KANSL1L: variants seen among roughly 807,000 people sequenced by gnomAD.
KANSL1L encodes the protein KAT8 regulatory NSL complex subunit 1 like.
KANSL1L carries 25 observed loss-of-function variants against 108.6 expected under a neutral mutation model. The ratio of observed to expected loss-of-function variants is 0.23; its 90% CI spans 0.17 to 0.32. The LOEUF is 0.32. Among genes scored for constraint, KANSL1L ranks in the 10% least tolerant of loss-of-function variants. The probability of loss-of-function intolerance (pLI) is 1.00; values close to 1 mark genes in which losing one functional copy is unlikely to be tolerated. For missense variants in KANSL1L, 1,137 were observed against 1,125.7 expected (o/e 1.01, Z -0.14); for synonymous variants, 405 against 395.1 (o/e 1.03, Z -0.30).
intron 1 of KANSL1L, among the ~76,000 whole-genome samples, chr2:210,162,236 A>ATATATT (rs2095365753): frequency 7.0e-6 from 1 of 143,306 alleles, no homozygotes; most frequent in South Asian, 2.2e-4. Context: ...ATATATATAT[A>ATATATT]TATATATGTA....
chr2:210,084,050 T>C (rs2094613493), intron 5 of KANSL1L, among the ~76,000 whole-genome samples: 1 of 151,994 alleles, frequency 6.6e-6, no homozygotes. Context: ...AAAATGGAAG[T>C]CTCTTCAACT....
At chr2:210,033,037 C>A (rs2094041965) in intron 8 of KANSL1L, 1 of 152,142 alleles carries the variant, frequency 6.6e-6, no homozygotes, top group South Asian at 2.1e-4. Context: ...AAATCAGGGT[C>A]TGGAAGAGGA....
chr2:210,153,971 G>A lies in KANSL1L; in HGVS notation c.612C>T (p.His204=). The change falls in exon 2 of 15, where the codon CAC becomes CAT. Residue 204 remains histidine, a synonymous_variant. Transcript: ENST00000281772. ...HCTQKKIVPG[H]SNVPVSSSAA... ...CTGAAGAACTAACAGGCACATTTGA[G>A]TGGCCAGGTACAATTTTCTTTTGAG... 1 of 1,613,618 alleles carries A rather than the reference G, an allele frequency of 6.2e-7. No individual in the cohort carries two copies. Among genetic ancestry groups the A allele is most frequent in the Non-Finnish European group, 8.5e-7 (1 of 1,180,028 alleles).
Position 210,025,182 on chromosome 2 carries a change from C to T in KANSL1L, c.2486G>A (p.Arg829Lys). 1 of 1,610,932 alleles carries T rather than the reference C, an allele frequency of 6.2e-7. No individual in the cohort carries two copies. Among genetic ancestry groups the T allele is most frequent in the East Asian group, 2.2e-5 (1 of 44,864 alleles). Reference protein sequence around the residue: ...EDLSDEVFSLRHKKYEEREQA... With the variant: ...EDLSDEVFSLKHKKYEEREQA... ...CTCTCTCTCTTCATATTTTTTGTGC[C>T]TTAGGGAGAAGACTTCATCAGAAAG... Residue 829 changes from arginine (R) to lysine (K), a missense_variant, in exon 13 of 15, where the codon AGG becomes AAG. Arg to Lys is a conservative substitution (Grantham distance 26). This residue lies in a region of KANSL1L where 575 missense variants were observed against 567.1 expected (regional missense o/e 1.01). Transcript: ENST00000281772.
At chr2:210,153,002 C>A (rs143576496) in intron 2 of KANSL1L, 2,212 of 153,422 alleles carry the variant, frequency 0.014, 25 homozygotes, top group Non-Finnish European at 0.025. Context: ...TGTATATACT[C>A]ACACACAATA....
intron 5 of KANSL1L, among the ~76,000 whole-genome samples, chr2:210,076,070 AT>A (rs2094540011): frequency 1.3e-5 from 2 of 152,256 alleles, no homozygotes; most frequent in African/African-American, 4.8e-5. Context: ...CAATTACAGT[AT>A]TTTAACTATT....
intron 2 of KANSL1L, among the ~76,000 whole-genome samples, chr2:210,148,844 C>T (rs2095283137): frequency 6.6e-6 from 1 of 151,998 alleles, no homozygotes; most frequent in Admixed American, 6.6e-5. Context: ...ACTTCCTGAT[C>T]AATTTTTCCT....
intron 4 of KANSL1L, among the ~76,000 whole-genome samples, chr2:210,101,039 A>C (rs2094789051): frequency 1.3e-5 from 2 of 152,216 alleles, no homozygotes; most frequent in African/African-American, 4.8e-5. Flanking sequence ...CAATTTATTA[A>C]CAACCTCTAC....
chr2:210,128,159 G>A (rs1248352962), intron 3 of KANSL1L, among the ~76,000 whole-genome samples: 1 of 152,168 alleles, frequency 6.6e-6, no homozygotes, highest in East Asian at 1.9e-4. Flanking sequence ...TGTACTGCTG[G>A]TGGGAATGTT....
chr2:210,039,489 C>T (rs1330678499), intron 8 of KANSL1L, among the ~76,000 whole-genome samples: 2 of 151,016 alleles, frequency 1.3e-5, no homozygotes, highest in Non-Finnish European at 3.0e-5. Flanking sequence ...ATAATAAGAC[C>T]CCAGTTCTAA....
intron 1 of KANSL1L, among the ~76,000 whole-genome samples, chr2:210,168,744 A>G (rs1230440754): frequency 3.3e-5 from 5 of 152,124 alleles, no homozygotes; most frequent in African/African-American, 4.8e-5. Context: ...TGAATGAAAA[A>G]GTAGTAAAAG....
intron 3 of KANSL1L, among the ~76,000 whole-genome samples, chr2:210,116,202 C>T (rs1559570386): frequency 6.6e-6 from 1 of 152,134 alleles, no homozygotes. Context: ...GACTGCTCTG[C>T]TTGAGGAAAG....
At chr2:210,168,420 G>C (rs921511994) in intron 1 of KANSL1L, among the ~76,000 whole-genome samples, 1 of 152,032 alleles carries the variant, frequency 6.6e-6, no homozygotes, top group African/African-American at 2.4e-5. Flanking sequence ...GTAGATTAAA[G>C]GGCATAAAGG....
intron 3 of KANSL1L, among the ~76,000 whole-genome samples, chr2:210,118,748 G>A (rs943190047): frequency 6.6e-6 from 1 of 151,860 alleles, no homozygotes; most frequent in African/African-American, 2.4e-5. Flanking sequence ...TAAGGCTGAG[G>A]TGGAAGGACT....
chr2:210,025,158 T>A lies in KANSL1L; in HGVS notation c.2510A>T (p.Glu837Val), dbSNP rs1255837480. ...CTCCCATAGTGACCACCTGGCTTGC[T>A]CTCTCTCTTCATATTTTTTGTGCCT... The part of the protein sequence containing the change: ...SLRHKKYEER[E>V]QARWSLWEQS... Residue 837 changes from glutamate (E) to valine (V), a missense_variant, in exon 13 of 15, where the codon GAG (glutamate) becomes GTG (valine). By Grantham distance (121) the Glu-to-Val change is moderately radical (BLOSUM62 -2). Transcript: ENST00000281772. 1.9e-6 allele frequency: 3 copies of A among 1,613,280 alleles called. No homozygotes were observed. The highest frequency in any genetic ancestry group is 2.5e-6 in the Non-Finnish European group (3 of 1,179,338).
intron 1 of KANSL1L, among the ~76,000 whole-genome samples, chr2:210,164,038 T>C (rs181856369): frequency 4.6e-5 from 7 of 152,248 alleles, no homozygotes; most frequent in Admixed American, 6.5e-5. Context: ...AACTGTCCAA[T>C]AGAAATATGA....
chr2:210,106,490 A>AG lies in KANSL1L; in HGVS notation c.1231-2190dup, dbSNP rs537896889. Among the ~76,000 whole-genome samples the AG allele has an allele frequency of 1.5e-3, 229 of 151,914 alleles. 1 individual carries two copies. Among genetic ancestry groups the AG allele is most frequent in the South Asian group, 8.3e-3 (40 of 4,804 alleles). On this transcript the variant is annotated intron_variant, in intron 3 of 14. Transcript: ENST00000281772. ...ATTTTTAAAATTCAACCAGGGAGGC[A>AG]GGGCATGGTGGTTTACGCCTGTAAT...
At chr2:210,056,536 A>G (rs1361791437) in intron 6 of KANSL1L, among the ~76,000 whole-genome samples, 1 of 152,140 alleles carries the variant, frequency 6.6e-6, no homozygotes, top group Non-Finnish European at 1.5e-5. Flanking sequence ...GCTGGAGTGC[A>G]GTGGTATGAT....
At chr2:210,101,466 A>G (rs867732259) in intron 4 of KANSL1L, among the ~76,000 whole-genome samples, 4 of 152,328 alleles carry the variant, frequency 2.6e-5, no homozygotes, top group Admixed American at 6.5e-5. Flanking sequence ...ACAGATTACA[A>G]TTTCCAATGA....
Sources: gnomAD v4.1 joint callset for allele counts (sites outside exome capture counted in the v4.1 genomes callset) on GRCh38, gnomAD v4.1.1 for gene constraint, gnomAD v4.1.1 regional missense constraint, MANE v1.5 for transcripts, NCBI Gene and HGNC (gene_info 2026-07-23, HGNC 2026-07-21) for gene names.